CCDC191: variants seen among roughly 807,000 people sequenced by gnomAD.
CCDC191 encodes coiled-coil domain-containing protein 191.
In CCDC191, 99 loss-of-function variants were observed where a neutral mutation model predicts 114.0. That is an observed-to-expected ratio of 0.87 (90% CI 0.74 to 1.03). The LOEUF is 1.03. Ranked by LOEUF, CCDC191 falls within the 50% of genes least tolerant of loss-of-function variation. The pLI is 0.00. For missense variants in CCDC191, 973 were observed against 1,087.0 expected (o/e 0.90, Z 1.47); for synonymous variants, 351 against 376.0 (o/e 0.93, Z 0.77).
At chr3:114,002,350 G>T in intron 12 of CCDC191, 106 bp downstream of exon 12, 2 of 744,844 alleles carry the variant, frequency 2.7e-6, no homozygotes, top group Non-Finnish European at 2.1e-6. Flanking sequence ...CAAAGTTGAT[G>T]TAACTCTATT....
chr3:113,972,241 C>T (rs1940897074), intron 16 of CCDC191, among the ~76,000 whole-genome samples: 1 of 151,916 alleles, frequency 6.6e-6, no homozygotes, highest in South Asian at 2.1e-4. Flanking sequence ...GAAGTTACTG[C>T]TTTTACTATA....
At chr3:114,051,225 CTA>C (rs2076694866) in intron 2 of CCDC191, among the ~76,000 whole-genome samples, 1 of 152,212 alleles carries the variant, frequency 6.6e-6, no homozygotes, top group African/African-American at 2.4e-5. Flanking sequence ...CTCCCTACTC[CTA>C]TGACACTGAA....
chr3:113,967,963 G>A (rs1450406323), intron 16 of CCDC191, among the ~76,000 whole-genome samples: 4 of 152,102 alleles, frequency 2.6e-5, no homozygotes, highest in African/African-American at 9.7e-5. Flanking sequence ...GCAAATGACA[G>A]GATTTCATTC....
intron 13 of CCDC191, among the ~76,000 whole-genome samples, chr3:113,988,233 C>T (rs545897749): frequency 6.6e-6 from 1 of 151,432 alleles, no homozygotes. Flanking sequence ...CAGTGGCTCA[C>T]GCCTGTAATC....
intron 13 of CCDC191, among the ~76,000 whole-genome samples, chr3:113,997,515 C>A (rs1425429524): frequency 6.6e-6 from 1 of 152,038 alleles, no homozygotes; most frequent in Non-Finnish European, 1.5e-5. Context: ...AGAGAAATGG[C>A]TTATTCATGA....
At chr3:114,004,106 C>T in intron 11 of CCDC191, 1 of 953,376 alleles carries the variant, frequency 1.0e-6, no homozygotes, top group Non-Finnish European at 1.2e-6. Flanking sequence ...CTGCCTGTAC[C>T]AAATAAATAA....
intron 4 of CCDC191, among the ~76,000 whole-genome samples, chr3:114,040,377 C>G (rs2107743721): frequency 6.6e-6 from 1 of 152,154 alleles, no homozygotes; most frequent in East Asian, 1.9e-4. Flanking sequence ...CCATTTCTGT[C>G]TTCAATTTTG....
intron 9 of CCDC191, among the ~76,000 whole-genome samples, chr3:114,010,159 A>T (rs1299856562): frequency 6.6e-6 from 1 of 152,192 alleles, no homozygotes; most frequent in Non-Finnish European, 1.5e-5. Context: ...AAGGAAAAAA[A>T]AACATGGCCT....
chr3:114,036,446 T>C (rs1327144003), intron 5 of CCDC191, among the ~76,000 whole-genome samples, 162 bp downstream of exon 5: 9 of 152,202 alleles, frequency 5.9e-5, no homozygotes. Context: ...ATGAGAATTA[T>C]TTTTCTTCTG....
At chr3:114,019,764 G>C (rs1390872683) in intron 7 of CCDC191, among the ~76,000 whole-genome samples, 1 of 152,054 alleles carries the variant, frequency 6.6e-6, no homozygotes, top group Non-Finnish European at 1.5e-5. Flanking sequence ...TAATTTCTCT[G>C]TCCCTCTTTT....
intron 11 of CCDC191, chr3:114,004,435 G>T: frequency 2.6e-6 from 3 of 1,134,674 alleles, no homozygotes; most frequent in Non-Finnish European, 1.1e-6. Flanking sequence ...ATGCCAAAAA[G>T]GTTGGCAAAA....
intron 1 of CCDC191, among the ~76,000 whole-genome samples, chr3:114,055,189 T>C (rs1179682847): frequency 6.6e-6 from 1 of 152,220 alleles, no homozygotes; most frequent in Non-Finnish European, 1.5e-5. Flanking sequence ...AAAGAGCTGA[T>C]CTAATTAAAA....
chr3:114,009,440 T>G (rs997085834), intron 9 of CCDC191, among the ~76,000 whole-genome samples: 2 of 152,186 alleles, frequency 1.3e-5, no homozygotes, highest in East Asian at 3.8e-4. Flanking sequence ...TTAAAGAGGT[T>G]GTTTTTTAAA....
chr3:114,014,369 A>C (rs2076123400), intron 8 of CCDC191, among the ~76,000 whole-genome samples: 1 of 152,214 alleles, frequency 6.6e-6, no homozygotes, highest in African/African-American at 2.4e-5. Flanking sequence ...AGGTGAAGAT[A>C]CCATGCGGCT....
In CCDC191 at chr3:114,036,687, T is replaced by G; in HGVS notation, c.515A>C (p.Glu172Ala). 1 of 1,603,880 alleles carries G rather than the reference T, an allele frequency of 6.2e-7. No individual in the cohort carries two copies. The change falls in exon 5 of 17, where the codon GAA (glutamate) becomes GCA (alanine). Residue 172 changes from glutamate (E) to alanine (A), a missense_variant. By Grantham distance (107) the Glu-to-Ala change is moderately radical. Transcript: ENST00000295878. ...TTGGTTTTCCTTCCTTCCAAGATCTTCCATCATTGCAGAATCTACCACATT... is the reference window on the plus strand; with the variant it reads ...TTGGTTTTCCTTCCTTCCAAGATCTGCCATCATTGCAGAATCTACCACATT... Reference protein sequence around the residue: ...HKNVVDSAMMEDLGRKENQDK... With the variant: ...HKNVVDSAMMADLGRKENQDK...
chr3:113,999,115 T>C (rs575685402), intron 13 of CCDC191, among the ~76,000 whole-genome samples: 24 of 152,296 alleles, frequency 1.6e-4, no homozygotes, highest in Non-Finnish European at 2.5e-4. Flanking sequence ...ATGGCATGGT[T>C]TCTCTGATAG....
At chr3:114,012,010 CAT>C (rs1426121889) in intron 8 of CCDC191, among the ~76,000 whole-genome samples, 3 of 152,172 alleles carry the variant, frequency 2.0e-5, no homozygotes, top group Non-Finnish European at 4.4e-5. Flanking sequence ...AAAGGTGACT[CAT>C]ATAAGTTCTC....
rs11927273 is a variant in CCDC191, at chr3:113,982,375, C to A, written c.2164-1582G>T. On this transcript the variant is annotated intron_variant, in intron 13 of 16. Transcript: ENST00000295878. ...TTCCTCGATAGAACTGGTTGTATTT[C>A]ATTAATATTACCACATTTTCAATTT... Among the ~76,000 whole-genome samples, 707 of 152,174 alleles carry A rather than the reference C, an allele frequency of 4.6e-3. 7 individuals carry two copies. Among genetic ancestry groups the A allele is most frequent in the African/African-American group, 0.016 (673 of 41,536 alleles).
intron 7 of CCDC191, among the ~76,000 whole-genome samples, chr3:114,023,684 A>T (rs1370819528): frequency 6.6e-6 from 1 of 152,250 alleles, no homozygotes; most frequent in South Asian, 2.1e-4. Flanking sequence ...TCGCTTCCTT[A>T]CACCTTATAC....
Sources: gnomAD v4.1 joint callset for allele counts (sites outside exome capture counted in the v4.1 genomes callset) on GRCh38, gnomAD v4.1.1 for gene constraint, MANE v1.5 for transcripts, NCBI Gene and HGNC (gene_info 2026-07-23, HGNC 2026-07-21) for gene names.